UBE3D: variants seen among roughly 807,000 people sequenced by gnomAD.
The protein encoded by UBE3D is ubiquitin protein ligase E3D, also known as E3 ubiquitin-protein ligase E3D.
Under a neutral mutation model 49.6 loss-of-function variants are expected in UBE3D, and 48 were observed. The ratio of observed to expected loss-of-function variants is 0.97; its 90% CI spans 0.77 to 1.23. UBE3D has a LOEUF of 1.23. UBE3D is among the 50% of genes most tolerant of loss of function. The pLI, the probability that UBE3D is intolerant of heterozygous loss-of-function variation, is 0.00. For missense variants in UBE3D, 452 were observed against 468.4 expected (o/e 0.96, Z 0.32); for synonymous variants, 189 against 174.2 (o/e 1.08, Z -0.67).
chr6:83,019,197 A>C (rs1424227116), intron 7 of UBE3D, 61 bp from the exon 8 acceptor site: 4 of 1,450,776 alleles, frequency 2.8e-6, no homozygotes, highest in South Asian at 1.5e-5. Flanking sequence ...ATATCTTATG[A>C]CTTTTCAAAA....
At chr6:82,944,911 G>A (rs1345256121) in intron 9 of UBE3D, among the ~76,000 whole-genome samples, 7 of 152,208 alleles carry the variant, frequency 4.6e-5, no homozygotes, top group Admixed American at 2.0e-4. Flanking sequence ...GGGAAGGACT[G>A]TTTATCATGG....
At chr6:82,922,892 G>A (rs1478042380) in intron 9 of UBE3D, among the ~76,000 whole-genome samples, 1 of 152,072 alleles carries the variant, frequency 6.6e-6, no homozygotes, top group African/African-American at 2.4e-5. Flanking sequence ...TCAAAAAATG[G>A]GCAAAGGATA....
intron 8 of UBE3D, among the ~76,000 whole-genome samples, chr6:82,986,852 A>G (rs1778552482): frequency 6.7e-6 from 1 of 148,556 alleles, no homozygotes; most frequent in African/African-American, 2.4e-5. Context: ...CATAGGTGTT[A>G]TTTTTATTTT....
chr6:83,016,038 C>T (rs956800893), intron 8 of UBE3D, among the ~76,000 whole-genome samples: 4 of 152,182 alleles, frequency 2.6e-5, no homozygotes, highest in African/African-American at 9.7e-5. Flanking sequence ...ACAGTAGATG[C>T]CTGGTGAGGC....
chr6:83,020,449 C>T (rs111388083), intron 7 of UBE3D, among the ~76,000 whole-genome samples: 157 of 150,922 alleles, frequency 1.0e-3, no homozygotes, highest in Non-Finnish European at 2.0e-3. Flanking sequence ...ACTGTTAATA[C>T]TGATTGCTCC....
intron 8 of UBE3D, among the ~76,000 whole-genome samples, chr6:83,001,499 T>C (rs1582602993): frequency 6.6e-6 from 1 of 152,316 alleles, no homozygotes; most frequent in South Asian, 2.1e-4. Context: ...CCTTTATATA[T>C]AAATTTCCTA....
At chr6:82,947,633 A>C (rs1775501511) in intron 9 of UBE3D, among the ~76,000 whole-genome samples, 1 of 152,022 alleles carries the variant, frequency 6.6e-6, no homozygotes, top group Non-Finnish European at 1.5e-5. Flanking sequence ...ATAAGTCTTA[A>C]AACACTCAAA....
chr6:82,927,689 A>G (rs1015652276), intron 9 of UBE3D, among the ~76,000 whole-genome samples: 1 of 151,572 alleles, frequency 6.6e-6, no homozygotes, highest in Non-Finnish European at 1.5e-5. Flanking sequence ...TAGGAAGGCA[A>G]TTGGCTTTTG....
chr6:82,941,335 G>A (rs1269481395), intron 9 of UBE3D, among the ~76,000 whole-genome samples: 1 of 148,920 alleles, frequency 6.7e-6, no homozygotes, highest in Admixed American at 6.7e-5. Flanking sequence ...ATATAATTAG[G>A]GGAAAACATG....
chr6:83,042,399 T>A (rs1782738461), intron 4 of UBE3D, among the ~76,000 whole-genome samples: 1 of 152,232 alleles, frequency 6.6e-6, no homozygotes, highest in Non-Finnish European at 1.5e-5. Flanking sequence ...TTGGGCTTCA[T>A]GTTTGTTTGT....
At chr6:83,033,471 G>A (rs1333638044) in intron 5 of UBE3D, among the ~76,000 whole-genome samples, 1 of 152,120 alleles carries the variant, frequency 6.6e-6, no homozygotes, top group Non-Finnish European at 1.5e-5. Flanking sequence ...GGGACCTGGT[G>A]GGAGGTGACT....
At chr6:82,946,090 C>G (rs1380933999) in intron 9 of UBE3D, among the ~76,000 whole-genome samples, 2 of 152,170 alleles carry the variant, frequency 1.3e-5, no homozygotes, top group East Asian at 3.9e-4. Flanking sequence ...GAAGTAAGTA[C>G]ATTCAAAGGG....
chr6:82,987,283 G>A (rs570888001), intron 8 of UBE3D, among the ~76,000 whole-genome samples: 11 of 152,094 alleles, frequency 7.2e-5, no homozygotes, highest in African/African-American at 2.4e-4. Flanking sequence ...TGAAGTGCTG[G>A]GATTAAAGGA....
chr6:82,899,148 C>T (rs1429238527), intron 9 of UBE3D, among the ~76,000 whole-genome samples: 3 of 152,166 alleles, frequency 2.0e-5, no homozygotes, highest in Middle Eastern at 3.4e-3. Flanking sequence ...CGGCATGCCA[C>T]GGAGTTTGGC....
Position 82,920,831 on chromosome 6 carries a change from G to A in UBE3D, c.1150-27789C>T, listed in dbSNP as rs895152945. Among the ~76,000 whole-genome samples the A allele has an allele frequency of 6.5e-5, 4 of 61,150 alleles. No individual in the cohort carries two copies. In the South Asian group the frequency reaches 3.6e-3, roughly 54 times the overall value. The allele number at this position is 61,150 out of a possible 152,430, so 40.1% of individuals were successfully genotyped here. ...TTTACAACTCCGACTTCTCTTCTAG[G>A]AAAACAAACAAACAAACAAAAAAGG... On this transcript the variant is annotated intron_variant, in intron 9 of 9. Transcript: ENST00000369747.
chr6:83,053,741 C>A (rs1783626886), intron 3 of UBE3D, among the ~76,000 whole-genome samples: 2 of 152,154 alleles, frequency 1.3e-5, no homozygotes, highest in South Asian at 4.1e-4. Flanking sequence ...TTTAGAAAGG[C>A]ACTGATAAAA....
chr6:82,956,261 G>A (rs1383005914), intron 9 of UBE3D, among the ~76,000 whole-genome samples: 1 of 152,136 alleles, frequency 6.6e-6, no homozygotes, highest in Non-Finnish European at 1.5e-5. Flanking sequence ...ATTCCCACCA[G>A]CATCCGAGGG....
At chr6:82,902,535 C>T (rs1771813317) in intron 9 of UBE3D, among the ~76,000 whole-genome samples, 1 of 152,140 alleles carries the variant, frequency 6.6e-6, no homozygotes, top group South Asian at 2.1e-4. Flanking sequence ...CATACTGTAT[C>T]ATTCCATTTA....
chr6:82,898,438 T>C lies in UBE3D; in HGVS notation c.1150-5396A>G, dbSNP rs544905108. Among the ~76,000 whole-genome samples, 67 of 152,264 alleles carry C rather than the reference T, an allele frequency of 4.4e-4. 1 individual carries two copies. Among genetic ancestry groups the C allele is most frequent in the African/African-American group, 1.3e-3 (56 of 41,560 alleles). On this transcript the variant is annotated intron_variant, in intron 9 of 9. Transcript: ENST00000369747. ...GACTTGGAACCAACACAAATGCCCA[T>C]TGATGATAGACTGAATAAAGAAAAT...
Sources: allele counts gnomAD v4.1 joint callset (sites outside exome capture counted in the v4.1 genomes callset), GRCh38; gene constraint gnomAD v4.1.1; transcripts MANE v1.5; gene names NCBI Gene and HGNC (gene_info 2026-07-23, HGNC 2026-07-21).